Variants in TNC observed in about 807,000 individuals in gnomAD.
TNC encodes tenascin.
Under a neutral mutation model 202.4 loss-of-function variants are expected in TNC, and 109 were observed. That is an observed-to-expected ratio of 0.54 (90% confidence interval 0.46 to 0.63). TNC has a LOEUF of 0.63. TNC is among the 30% of genes least tolerant of loss of function. The pLI is 0.00. For missense variants in TNC, 2,756 were observed against 2,833.3 expected (o/e 0.97, Z 0.62); for synonymous variants, 1,007 against 1,089.7 (o/e 0.92, Z 1.50).
At chr9:115,087,307 C>T (rs765036461) in intron 2 of TNC, 34 bp from the exon 3 acceptor site, 2 of 1,597,254 alleles carry the variant, frequency 1.3e-6, no homozygotes, top group African/African-American at 2.7e-5. Flanking sequence ...CTCAGCCAGG[C>T]TTAAGCAGCC....
chr9:115,048,592 C>T, intron 15 of TNC, 60 bp from the exon 16 acceptor site: 1 of 1,510,628 alleles, frequency 6.6e-7, no homozygotes, highest in Non-Finnish European at 8.9e-7. Flanking sequence ...GTCAGGATAG[C>T]ACACGTTTCC....
At chr9:115,098,447 T>A (rs768346691) in intron 1 of TNC, among the ~76,000 whole-genome samples, 14 of 152,354 alleles carry the variant, frequency 9.2e-5, no homozygotes, top group Middle Eastern at 3.4e-3. Context: ...GGCACCTCAC[T>A]GCAGGACAAA....
At chr9:115,067,486 T>G (rs1174386238) in intron 10 of TNC, among the ~76,000 whole-genome samples, 1 of 152,192 alleles carries the variant, frequency 6.6e-6, no homozygotes, top group African/African-American at 2.4e-5. Context: ...AAACATTTTT[T>G]TCTATAAAAT....
chr9:115,111,698 G>A (rs1341101629), intron 1 of TNC, among the ~76,000 whole-genome samples: 2 of 151,944 alleles, frequency 1.3e-5, no homozygotes, highest in Non-Finnish European at 2.9e-5. Flanking sequence ...AGGTGTGAGC[G>A]ACCATGCCCG....
chr9:115,062,570 T>C (rs900828148), intron 13 of TNC, among the ~76,000 whole-genome samples: 5 of 148,988 alleles, frequency 3.4e-5, no homozygotes, highest in African/African-American at 1.2e-4. Flanking sequence ...GGTCACACCA[T>C]TGCATTCTAG....
Position 115,084,208 on chromosome 9 carries a change from C to T in TNC, c.2131+1G>A. ...TGCCCAAAAGAGTTCTGCTCACTCA[C>T]ACGTGGCCACCCTGGCGCTGACAGG... is the stretch of plus-strand genomic sequence containing the variant. On this transcript the variant is annotated splice_donor_variant, in intron 4 of 27. Coordinates refer to ENST00000350763, the MANE Select transcript of TNC (RefSeq NM_002160.4). LOFTEE classifies it high-confidence loss of function. The T allele has an allele frequency of 6.2e-7, 1 of 1,613,278 alleles. No homozygotes were observed. The highest frequency in any genetic ancestry group is 8.5e-7 in the Non-Finnish European group (1 of 1,179,536).
At chr9:115,060,516 T>A (rs1233592727) in intron 13 of TNC, among the ~76,000 whole-genome samples, 1 of 152,240 alleles carries the variant, frequency 6.6e-6, no homozygotes, top group Admixed American at 6.5e-5. Flanking sequence ...AATGGTAATA[T>A]TTATCAACTT....
chr9:115,088,337 A>G (rs1834957029), intron 2 of TNC, among the ~76,000 whole-genome samples: 2 of 152,212 alleles, frequency 1.3e-5, no homozygotes, highest in South Asian at 4.1e-4. Context: ...AATTTTCCGC[A>G]ACTAAAATGA....
At chr9:115,087,698 CTTTTTTTTTT>C (rs752435283) in intron 2 of TNC, among the ~76,000 whole-genome samples, 3 of 119,738 alleles carry the variant, frequency 2.5e-5, no homozygotes, top group Non-Finnish European at 5.2e-5. Flanking sequence ...TCTTTCTTTT[CTTTTTTTTTT>C]TTTTTTTTTT....
intron 2 of TNC, among the ~76,000 whole-genome samples, chr9:115,087,698 C>CTTTTTTTT (rs752435283): frequency 4.2e-5 from 5 of 119,740 alleles, no homozygotes; most frequent in Admixed American, 8.7e-5. Context: ...TCTTTCTTTT[C>CTTTTTTTT]TTTTTTTTTT....
chr9:115,062,139 CTG>C (rs1479383938), intron 13 of TNC, among the ~76,000 whole-genome samples: 3 of 152,200 alleles, frequency 2.0e-5, no homozygotes, highest in African/African-American at 7.2e-5. Flanking sequence ...AATCATGACT[CTG>C]TTGCTGTATG....
intron 14 of TNC, 30 bp from the exon 15 acceptor site, chr9:115,057,455 A>G: frequency 6.4e-7 from 1 of 1,554,616 alleles, no homozygotes; most frequent in Non-Finnish European, 8.6e-7. Flanking sequence ...GGGAGAAGAA[A>G]AAAATAAATT....
At chr9:115,062,354 C>A (rs776020724) in intron 13 of TNC, among the ~76,000 whole-genome samples, 4 of 152,080 alleles carry the variant, frequency 2.6e-5, no homozygotes, top group Non-Finnish European at 4.4e-5. Context: ...TGCCTGTAAT[C>A]CCAGCACTTT....
In TNC at chr9:115,073,876, G is replaced by T. The variant is rs910815633; in HGVS notation, c.2951-10C>A. On this transcript the variant is annotated splice_polypyrimidine_tract_variant and intron_variant, in intron 9 of 27. Coordinates refer to ENST00000350763, the MANE Select transcript of TNC (RefSeq NM_002160.4). ...TTGGGCGTGTCCAACTCTGGGAGGA[G>T]AACAGAGAGATGAATGCTCTTCAGG... The T allele has an allele frequency of 6.2e-7, 1 of 1,605,152 alleles. No individual in the cohort carries two copies. Among genetic ancestry groups the T allele is most frequent in the Non-Finnish European group, 8.5e-7 (1 of 1,179,518 alleles).
At chr9:115,047,115 G>C (rs1040628611) in intron 16 of TNC, among the ~76,000 whole-genome samples, 10 of 152,014 alleles carry the variant, frequency 6.6e-5, no homozygotes, top group Admixed American at 6.5e-5. Context: ...ATGATCTGTA[G>C]AGCTGCTCAT....
chr9:115,031,826 T>A (rs1320219350), intron 22 of TNC, 141 bp from the exon 23 acceptor site: 1 of 1,026,114 alleles, frequency 9.7e-7, no homozygotes, highest in Non-Finnish European at 1.4e-6. Flanking sequence ...ACCCACTCTC[T>A]ACCAGGCTCC....
At chr9:115,081,493 G>T (rs991517496) in intron 6 of TNC, among the ~76,000 whole-genome samples, 1 of 152,104 alleles carries the variant, frequency 6.6e-6, no homozygotes, top group Non-Finnish European at 1.5e-5. Flanking sequence ...GAAACAGAAA[G>T]ACACCATCCT....
rs566445846 is a variant in TNC at position 115,049,817 on chromosome 9, G to A, written c.4580-1285C>T. ...TCTTGCATTAATTCACTAATGCCTA[G>A]GGTCTAATCCATGAGACATAAAGAA... On this transcript the variant is annotated intron_variant, in intron 15 of 27. Coordinates refer to ENST00000350763, the MANE Select transcript of TNC (RefSeq NM_002160.4). Among the ~76,000 whole-genome samples, 4 of 152,126 alleles carry A rather than the reference G, an allele frequency of 2.6e-5. No homozygotes were observed. The East Asian group carries it at 7.7e-4, about 29-fold the overall frequency.
intron 1 of TNC, among the ~76,000 whole-genome samples, chr9:115,104,275 A>G (rs1836447552): frequency 6.6e-6 from 1 of 152,204 alleles, no homozygotes; most frequent in African/African-American, 2.4e-5. Context: ...CAAAGTCTTG[A>G]GCCAAGGTTA....
Sources: gnomAD v4.1 joint callset for allele counts (sites outside exome capture counted in the v4.1 genomes callset) on GRCh38, gnomAD v4.1.1 for gene constraint, MANE v1.5 for transcripts, NCBI Gene and HGNC (gene_info 2026-07-23, HGNC 2026-07-21) for gene names.